The following COL25A1 variants were observed in gnomAD, a reference collection of about 807,000 sequenced individuals.
The protein encoded by COL25A1 is collagen alpha-1(XXV) chain.
A neutral mutation model predicts 128.4 loss-of-function variants in COL25A1; 103 were observed. The ratio of observed to expected loss-of-function variants is 0.80; its 90% CI spans 0.68 to 0.94. The LOEUF (loss-of-function observed/expected upper bound fraction) is 0.94, where lower values mean the gene tolerates loss of function less well. Among genes scored for constraint, COL25A1 ranks in the 40% least tolerant of loss-of-function variants. The pLI, the probability that COL25A1 is intolerant of heterozygous loss-of-function variation, is 0.00. For synonymous variants in COL25A1, 279 were observed against 277.2 expected (o/e 1.01, Z -0.06); for missense variants, 745 against 840.0 (o/e 0.89, Z 1.40).
chr4:109,197,577 A>G (rs1317089353), intron 3 of COL25A1, among the ~76,000 whole-genome samples: 1 of 143,992 alleles, frequency 6.9e-6, no homozygotes, highest in Non-Finnish European at 1.5e-5. Context: ...ATCTTTTTTA[A>G]ATTTCACATT....
intron 6 of COL25A1, among the ~76,000 whole-genome samples, chr4:108,977,529 G>A (rs1037941954): frequency 1.3e-5 from 2 of 152,148 alleles, no homozygotes; most frequent in African/African-American, 4.8e-5. Context: ...TGGTGGGGCA[G>A]ATGAAAGCCA....
At chr4:108,980,460 G>A (rs1752862431) in intron 6 of COL25A1, among the ~76,000 whole-genome samples, 3 of 152,192 alleles carry the variant, frequency 2.0e-5, no homozygotes, top group Non-Finnish European at 2.9e-5. Flanking sequence ...CTGGTTCAAC[G>A]TAGATGAACA....
At chr4:108,857,223 A>G (rs1416726519) in intron 24 of COL25A1, among the ~76,000 whole-genome samples, 2 of 152,246 alleles carry the variant, frequency 1.3e-5, no homozygotes, top group African/African-American at 4.8e-5. Flanking sequence ...AACATTGCTA[A>G]TAAACTAAGT....
At chr4:108,868,569 G>GAGAA (rs1169936327) in intron 20 of COL25A1, among the ~76,000 whole-genome samples, 30 of 70,424 alleles carry the variant, frequency 4.3e-4, no homozygotes, top group South Asian at 1.5e-3. Flanking sequence ...GAAAGAGAAA[G>GAGAA]AGAGAGAGAA....
intron 8 of COL25A1, among the ~76,000 whole-genome samples, chr4:108,947,657 A>T (rs1214276931): frequency 6.6e-6 from 1 of 152,110 alleles, no homozygotes; most frequent in Non-Finnish European, 1.5e-5. Context: ...CCTCACAAAA[A>T]TTCTAGTCAG....
At chr4:109,042,948 C>T (rs1178986742) in intron 5 of COL25A1, among the ~76,000 whole-genome samples, 1 of 152,034 alleles carries the variant, frequency 6.6e-6, no homozygotes, top group African/African-American at 2.4e-5. Flanking sequence ...TAAGACACAA[C>T]AAAGATGTTT....
chr4:109,112,898 T>C (rs754000944), intron 3 of COL25A1, among the ~76,000 whole-genome samples: 2 of 152,108 alleles, frequency 1.3e-5, no homozygotes, highest in Non-Finnish European at 2.9e-5. Context: ...TATATAAAAT[T>C]GGCAAACGTC....
chr4:109,247,313 G>A (rs1488050079), intron 3 of COL25A1, among the ~76,000 whole-genome samples: 1 of 152,008 alleles, frequency 6.6e-6, no homozygotes, highest in African/African-American at 2.4e-5. Context: ...TCGAACCACT[G>A]CACTCCAGCC....
At chr4:108,932,799 G>A (rs778245425) in intron 11 of COL25A1, among the ~76,000 whole-genome samples, 1 of 152,158 alleles carries the variant, frequency 6.6e-6, no homozygotes. Flanking sequence ...TTTTAACAAC[G>A]ATTTGAATCT....
rs1475404208 is a variant in COL25A1 at position 109,083,455 on chromosome 4, T to TAA, written c.368-33277_368-33276insTT. On this transcript the variant is annotated intron_variant, in intron 3 of 37. Coordinates refer to ENST00000399132, the MANE Select transcript of COL25A1 (RefSeq NM_198721.4). ...AACTTTTACACTAAATAAATTTTTT[T>TAA]TTTTTTTTTTTTTTTTTTTTTTTTT... 2.9e-4 allele frequency among the ~76,000 whole-genome samples: 34 copies of TAA among 117,624 alleles called. No individual in the cohort carries two copies. The South Asian group carries it at 9.3e-3, about 32-fold the overall frequency. The allele number at this position is 117,624 out of a possible 152,430, so 77.2% of individuals were successfully genotyped here. A position where few individuals can be genotyped will look rare whatever the true frequency, so the allele number is the denominator to read the frequency against.
chr4:109,115,198 G>C (rs965111422), intron 3 of COL25A1, among the ~76,000 whole-genome samples: 2 of 152,006 alleles, frequency 1.3e-5, no homozygotes, highest in African/African-American at 4.8e-5. Context: ...CCCCACACTT[G>C]ATACTTAGGG....
At chr4:108,863,122 T>C (rs1737458084) in intron 21 of COL25A1, among the ~76,000 whole-genome samples, 197 bp downstream of exon 21, 1 of 152,204 alleles carries the variant, frequency 6.6e-6, no homozygotes, top group Admixed American at 6.5e-5. Context: ...ATCAATTTGC[T>C]CACTGAACAG....
chr4:108,998,058 C>T (rs140088438), intron 6 of COL25A1, among the ~76,000 whole-genome samples: 6,475 of 152,222 alleles, frequency 0.043, 292 homozygotes, highest in African/African-American at 0.11. Flanking sequence ...CCTTTGAAAA[C>T]TGGCACAAGA....
intron 5 of COL25A1, among the ~76,000 whole-genome samples, chr4:109,045,055 G>A (rs752846935): frequency 6.6e-6 from 1 of 152,128 alleles, no homozygotes; most frequent in Non-Finnish European, 1.5e-5. Context: ...ACATGGTGAG[G>A]ATGAAGACTT....
At chr4:109,196,955 C>G (rs1295262271) in intron 3 of COL25A1, among the ~76,000 whole-genome samples, 1 of 152,120 alleles carries the variant, frequency 6.6e-6, no homozygotes, top group African/African-American at 2.4e-5. Context: ...CATTTAGAAT[C>G]TGTTTACCAG....
At chr4:108,819,862 C>T (rs1325911527) in intron 35 of COL25A1, 9 of 1,231,718 alleles carry the variant, frequency 7.3e-6, no homozygotes, top group South Asian at 4.1e-5. Flanking sequence ...CCTTTCTCCC[C>T]TTTAGGCCCC....
intron 3 of COL25A1, among the ~76,000 whole-genome samples, chr4:109,125,513 A>G (rs1768510729): frequency 1.3e-5 from 2 of 152,158 alleles, no homozygotes; most frequent in Non-Finnish European, 2.9e-5. Flanking sequence ...ACTTTAATAC[A>G]TCTTCTTAAA....
intron 3 of COL25A1, among the ~76,000 whole-genome samples, chr4:109,267,219 C>T (rs1781855310): frequency 6.6e-6 from 1 of 152,064 alleles, no homozygotes; most frequent in African/African-American, 2.4e-5. Context: ...GTATCAGAAA[C>T]TCTCATTCAT....
chr4:108,971,372 AG>A (rs533255295), intron 8 of COL25A1, among the ~76,000 whole-genome samples: 85 of 152,320 alleles, frequency 5.6e-4, no homozygotes, highest in Admixed American at 1.8e-3. Flanking sequence ...CTAAGGAGGG[AG>A]GGGGGCATAC....
Sources: allele counts gnomAD v4.1 joint callset (sites outside exome capture counted in the v4.1 genomes callset), GRCh38; gene constraint gnomAD v4.1.1; transcripts MANE v1.5; gene names NCBI Gene and HGNC (gene_info 2026-07-23, HGNC 2026-07-21).